The following EBF2 variants were observed in gnomAD, a reference collection of about 807,000 sequenced individuals.
EBF2 encodes transcription factor COE2.
Under a neutral mutation model 72.8 loss-of-function variants are expected in EBF2, and 21 were observed. That is an observed-to-expected ratio of 0.29 (90% CI 0.20 to 0.42). The LOEUF (loss-of-function observed/expected upper bound fraction) is 0.42, where lower values mean the gene tolerates loss of function less well. EBF2 is among the 10% of genes least tolerant of loss of function. The pLI is 1.00. For synonymous variants in EBF2, 299 were observed against 274.2 expected (o/e 1.09, Z -0.89); for missense variants, 637 against 731.2 (o/e 0.87, Z 1.49).
At chr8:25,889,621 T>TAAA in intron 8 of EBF2, 131 bp downstream of exon 8, 14 of 572,296 alleles carry the variant, frequency 2.4e-5, no homozygotes, top group East Asian at 6.6e-5. Flanking sequence ...CAACTTCGTT[T>TAAA]AAAAAAAAAA....
At chr8:25,960,941 T>G (rs1804024986) in intron 6 of EBF2, among the ~76,000 whole-genome samples, 3 of 152,178 alleles carry the variant, frequency 2.0e-5, no homozygotes. Flanking sequence ...CACGTAAATA[T>G]AAAAATGTGT....
chr8:25,856,678 G>C (rs1318145594), intron 14 of EBF2, among the ~76,000 whole-genome samples: 1 of 152,166 alleles, frequency 6.6e-6, no homozygotes, highest in Non-Finnish European at 1.5e-5. Context: ...TTTAGGGGTT[G>C]TTAAAGATGT....
intron 9 of EBF2, 53 bp downstream of exon 9, chr8:25,887,789 A>C: frequency 6.7e-7 from 1 of 1,482,464 alleles, no homozygotes; most frequent in East Asian, 2.4e-5. Context: ...TTCCCAGATC[A>C]AAACAATCTT....
chr8:25,931,763 G>C (rs962735545), intron 6 of EBF2, among the ~76,000 whole-genome samples: 1 of 151,884 alleles, frequency 6.6e-6, no homozygotes, highest in Non-Finnish European at 1.5e-5. Context: ...TCCATCTTTC[G>C]TCCATTGACA....
intron 6 of EBF2, among the ~76,000 whole-genome samples, chr8:26,022,135 A>T (rs550934588): frequency 6.6e-6 from 1 of 152,300 alleles, no homozygotes; most frequent in African/African-American, 2.4e-5. Context: ...AATCTATTCT[A>T]TGTGAATCCC....
At chr8:25,879,103 T>C (rs1295911142) in intron 10 of EBF2, among the ~76,000 whole-genome samples, 1 of 152,204 alleles carries the variant, frequency 6.6e-6, no homozygotes, top group African/African-American at 2.4e-5. Context: ...TACCTTGGCA[T>C]GCAGGATTCT....
intron 6 of EBF2, among the ~76,000 whole-genome samples, chr8:25,940,957 T>C (rs1803660203): frequency 6.6e-6 from 1 of 152,174 alleles, no homozygotes; most frequent in African/African-American, 2.4e-5. Context: ...AGGGATTATT[T>C]TTCCCATGTG....
chr8:25,991,585 C>A (rs1305106454), intron 6 of EBF2, among the ~76,000 whole-genome samples: 1 of 152,150 alleles, frequency 6.6e-6, no homozygotes, highest in Non-Finnish European at 1.5e-5. Context: ...GTGGCTCATG[C>A]CTGTAACCTC....
At chr8:25,998,132 C>T (rs1291683411) in intron 6 of EBF2, among the ~76,000 whole-genome samples, 2 of 152,164 alleles carry the variant, frequency 1.3e-5, no homozygotes, top group Non-Finnish European at 2.9e-5. Context: ...GCCTTCTTCC[C>T]CATCCCTCCT....
rs1009546606 is a variant in EBF2 at position 25,844,490 on chromosome 8, A to C, written c.*119T>G. On this transcript the variant is annotated 3_prime_UTR_variant, in exon 16 of 16. Transcript: ENST00000520164. ...AAGATGCTGGCTCCTTGCAGACCCAAGGGTGTCCATCATGTTCATGTGGGG... is the reference window on the plus strand; with the variant it reads ...AAGATGCTGGCTCCTTGCAGACCCACGGGTGTCCATCATGTTCATGTGGGG... 5.9e-5 allele frequency: 69 copies of C among 1,168,782 alleles called. No individual in the cohort carries two copies. The highest frequency in any genetic ancestry group is 2.0e-4 in the Middle Eastern group (1 of 5,106). 72.4% of individuals were successfully genotyped at this position (1,168,782 alleles called of 1,614,324 possible).
intron 6 of EBF2, among the ~76,000 whole-genome samples, chr8:25,996,889 G>T (rs1346453013): frequency 1.3e-5 from 2 of 152,090 alleles, no homozygotes; most frequent in Non-Finnish European, 2.9e-5. Context: ...TTTAAATTGT[G>T]AAGAATACTA....
chr8:25,861,249 G>C, intron 12 of EBF2, 23 bp from the exon 13 acceptor site: 1 of 1,613,338 alleles, frequency 6.2e-7, no homozygotes, highest in Non-Finnish European at 8.5e-7. Context: ...AGGTTAATGT[G>C]AGCATTCTAT....
chr8:26,019,053 G>T (rs1805162244), intron 6 of EBF2, among the ~76,000 whole-genome samples: 1 of 152,036 alleles, frequency 6.6e-6, no homozygotes, highest in African/African-American at 2.4e-5. Flanking sequence ...TTTCACTTTG[G>T]AAAGGAGAGG....
chr8:25,949,111 AT>A lies in EBF2; in HGVS notation c.552-40557del, dbSNP rs565585346. Among the ~76,000 whole-genome samples the A allele has an allele frequency of 1.5e-4, 23 of 152,308 alleles. No individual in the cohort carries two copies. In the East Asian group the frequency reaches 4.4e-3, roughly 29 times the overall value. ...AGCACTTCTCAAATACTATCTACAC[AT>A]TAACTTGTTTAATCCTTGTAACTAC... is the stretch of plus-strand genomic sequence containing the variant. On this transcript the variant is annotated intron_variant, in intron 6 of 15. Transcript: ENST00000520164.
At chr8:25,876,031 C>T (rs1802514123) in intron 10 of EBF2, among the ~76,000 whole-genome samples, 1 of 152,084 alleles carries the variant, frequency 6.6e-6, no homozygotes, top group Non-Finnish European at 1.5e-5. Flanking sequence ...CAATGATAGA[C>T]TGGATAATAA....
intron 6 of EBF2, among the ~76,000 whole-genome samples, chr8:25,966,471 T>C (rs1804117664): frequency 6.6e-6 from 1 of 152,196 alleles, no homozygotes; most frequent in South Asian, 2.1e-4. Context: ...AGCAATAGCA[T>C]ATCTACTTAG....
chr8:25,884,669 C>A (rs1003798471), intron 10 of EBF2, among the ~76,000 whole-genome samples: 1 of 152,158 alleles, frequency 6.6e-6, no homozygotes, highest in African/African-American at 2.4e-5. Flanking sequence ...GCAGGCAGGT[C>A]ATAAATACTA....
Position 25,912,054 on chromosome 8 carries a change from G to A in EBF2, c.552-3499C>T, listed in dbSNP as rs530103751. ...TACATAACCTCTAACAATCCTGCACGGTCCAGCAGCTGAAGGGTACAGGGG... is the reference window on the plus strand; with the variant it reads ...TACATAACCTCTAACAATCCTGCACAGTCCAGCAGCTGAAGGGTACAGGGG... On this transcript the variant is annotated intron_variant, in intron 6 of 15. Transcript: ENST00000520164. 3.6e-4 allele frequency among the ~76,000 whole-genome samples: 55 copies of A among 152,244 alleles called. No individual in the cohort carries two copies. In the Middle Eastern group the frequency reaches 0.02, roughly 56 times the overall value.
intron 6 of EBF2, among the ~76,000 whole-genome samples, chr8:25,987,926 G>C (rs889384413): frequency 6.6e-6 from 1 of 151,984 alleles, no homozygotes. Context: ...GTCATGTCTT[G>C]AGGAGATCTA....
Sources: gnomAD v4.1 joint callset for allele counts (sites outside exome capture counted in the v4.1 genomes callset) on GRCh38, gnomAD v4.1.1 for gene constraint, MANE v1.5 for transcripts, NCBI Gene and HGNC (gene_info 2026-07-23, HGNC 2026-07-21) for gene names.